HHAT: variants seen among roughly 807,000 people sequenced by gnomAD.
HHAT encodes the protein protein-cysteine N-palmitoyltransferase HHAT.
In HHAT, 47 loss-of-function variants were observed where a neutral mutation model predicts 70.8. The ratio of observed to expected loss-of-function variants is 0.66; its 90% CI spans 0.53 to 0.85. The LOEUF (loss-of-function observed/expected upper bound fraction) is 0.85. HHAT is among the 40% of genes least tolerant of loss of function. HHAT has a pLI of 0.00. For missense variants in HHAT, 609 were observed against 604.8 expected (o/e 1.01, Z -0.07); for synonymous variants, 228 against 247.6 (o/e 0.92, Z 0.74).
At chr1:210,661,807 A>G (rs1226245185) in intron 11 of HHAT, among the ~76,000 whole-genome samples, 1 of 152,098 alleles carries the variant, frequency 6.6e-6, no homozygotes, top group Non-Finnish European at 1.5e-5. Flanking sequence ...CGTAAACACC[A>G]CATGTTCTCA....
At chr1:210,362,176 G>A (rs2088397863) in intron 2 of HHAT, among the ~76,000 whole-genome samples, 1 of 151,504 alleles carries the variant, frequency 6.6e-6, no homozygotes, top group Non-Finnish European at 1.5e-5. Flanking sequence ...TATTTTGTTA[G>A]CATTATATCA....
chr1:210,462,742 C>T (rs923263034), intron 7 of HHAT: 56 of 154,564 alleles, frequency 3.6e-4, no homozygotes, highest in Non-Finnish European at 4.6e-4. Flanking sequence ...CATCTGCCAT[C>T]ACCCAAACTG....
intron 5 of HHAT, among the ~76,000 whole-genome samples, chr1:210,401,960 C>T (rs1032225395): frequency 3.3e-5 from 5 of 152,180 alleles, no homozygotes; most frequent in African/African-American, 1.2e-4. Flanking sequence ...GCAATTGAAG[C>T]TTAGGCCCCT....
intron 9 of HHAT, among the ~76,000 whole-genome samples, chr1:210,581,273 T>C (rs957069826): frequency 1.3e-5 from 2 of 152,258 alleles, no homozygotes; most frequent in African/African-American, 2.4e-5. Context: ...TAAGTAGATA[T>C]GTAGCTTCCT....
chr1:210,474,191 T>G (rs1479082423), intron 8 of HHAT, among the ~76,000 whole-genome samples: 1 of 152,178 alleles, frequency 6.6e-6, no homozygotes, highest in African/African-American at 2.4e-5. Flanking sequence ...CCTCCTAGCA[T>G]GGGGGCTGGC....
intron 11 of HHAT, among the ~76,000 whole-genome samples, chr1:210,640,365 A>T (rs1390995273): frequency 6.6e-6 from 1 of 152,156 alleles, no homozygotes; most frequent in Non-Finnish European, 1.5e-5. Flanking sequence ...TGGAGACAAG[A>T]GGGAGTGGCC....
At chr1:210,574,642 TG>T (rs1657204363) in intron 9 of HHAT, among the ~76,000 whole-genome samples, 1 of 152,256 alleles carries the variant, frequency 6.6e-6, no homozygotes, top group South Asian at 2.1e-4. Context: ...TGTGCAGTAC[TG>T]GGTTGCTTTG....
At chr1:210,533,789 T>C (rs976036396) in intron 9 of HHAT, among the ~76,000 whole-genome samples, 7 of 152,204 alleles carry the variant, frequency 4.6e-5, no homozygotes, top group African/African-American at 7.2e-5. Context: ...ATGATTTTGA[T>C]CTTCCTGGCT....
chr1:210,416,514 C>T (rs1471044277), intron 6 of HHAT, among the ~76,000 whole-genome samples: 1 of 152,174 alleles, frequency 6.6e-6, no homozygotes, highest in African/African-American at 2.4e-5. Context: ...AAATTGAATT[C>T]ACTTCAAATT....
rs117881288 is a variant in HHAT, at chr1:210,572,844, C to T, written c.1044-15054C>T. 6.9e-4 allele frequency among the ~76,000 whole-genome samples: 105 copies of T among 152,276 alleles called. 1 individual carries two copies. The East Asian group carries it at 0.018, about 27-fold the overall frequency. The stretch of plus-strand genomic sequence containing the variant: ...CCAAGAGTTTGAGGCTGTAGTGAGC[C>T]ATGATTGCACCAGTACATTCCAGCT... On this transcript the variant is annotated intron_variant, in intron 9 of 11. Transcript: ENST00000261458.
chr1:210,601,701 G>T (rs1664297800), intron 10 of HHAT, among the ~76,000 whole-genome samples: 1 of 152,034 alleles, frequency 6.6e-6, no homozygotes, highest in Admixed American at 6.6e-5. Flanking sequence ...TCCTATCAGA[G>T]TACTCATATT....
Position 210,674,671 on chromosome 1 carries a change from C to A in HHAT, c.*292C>A. 1 of 336,526 alleles carries A rather than the reference C, an allele frequency of 3.0e-6. No individual in the cohort carries two copies. Among genetic ancestry groups the A allele is most frequent in the Non-Finnish European group, 5.4e-6 (1 of 185,408 alleles). 20.8% of individuals were successfully genotyped at this position (336,526 alleles called of 1,614,324 possible). ...CACAGGGTGACATTTTGGTCTAGAA[C>A]CTAGTCTCATGAGCCCTTTGCATTC... On this transcript the variant is annotated 3_prime_UTR_variant, in exon 12 of 12. Transcript: ENST00000261458.
At chr1:210,377,044 A>G (rs1035580950) in intron 3 of HHAT, among the ~76,000 whole-genome samples, 12 of 152,224 alleles carry the variant, frequency 7.9e-5, no homozygotes, top group Admixed American at 7.9e-4. Context: ...GCATATGTGA[A>G]GACTTCCTAA....
intron 9 of HHAT, among the ~76,000 whole-genome samples, chr1:210,534,830 G>C (rs529324996): frequency 4.6e-5 from 7 of 152,264 alleles, no homozygotes; most frequent in Admixed American, 2.6e-4. Flanking sequence ...CCCAGAGAAA[G>C]GTCAAATATA....
chr1:210,638,417 A>G (rs1672327566), intron 11 of HHAT, among the ~76,000 whole-genome samples: 2 of 152,260 alleles, frequency 1.3e-5, no homozygotes, highest in Non-Finnish European at 2.9e-5. Context: ...GAAAGAAGCC[A>G]GTCACAAAGG....
At chr1:210,413,749 C>T (rs2092634984) in intron 6 of HHAT, among the ~76,000 whole-genome samples, 1 of 152,198 alleles carries the variant, frequency 6.6e-6, no homozygotes, top group Non-Finnish European at 1.5e-5. Flanking sequence ...CTTTACCATG[C>T]ACATTTCCAC....
intron 5 of HHAT, among the ~76,000 whole-genome samples, chr1:210,404,215 A>G (rs2092224728): frequency 6.6e-6 from 1 of 152,216 alleles, no homozygotes; most frequent in South Asian, 2.1e-4. Context: ...TGCTAGGTTA[A>G]CATTAGAGAT....
chr1:210,638,392 G>A (rs1427323107), intron 11 of HHAT, among the ~76,000 whole-genome samples: 2 of 152,128 alleles, frequency 1.3e-5, no homozygotes, highest in Non-Finnish European at 2.9e-5. Flanking sequence ...GATGAACCTT[G>A]GAAACACGGT....
At position 210,529,255 on chromosome 1, in the gene HHAT, A is replaced by C. The variant is rs2095286220; in HGVS notation, c.1043+16067A>C. 2.6e-5 allele frequency among the ~76,000 whole-genome samples: 4 copies of C among 151,492 alleles called. No homozygotes were observed. The South Asian group carries it at 8.4e-4, about 32-fold the overall frequency. On this transcript the variant is annotated intron_variant, in intron 9 of 11. Coordinates refer to ENST00000261458, the MANE Select transcript of HHAT (RefSeq NM_018194.6). ...AGGAGGTAGAGGTTGCAGTGAGCAG[A>C]GATTCTGCCACTGCACTCCAGCCTG...
Sources: gnomAD v4.1 joint callset for allele counts (sites outside exome capture counted in the v4.1 genomes callset) on GRCh38, gnomAD v4.1.1 for gene constraint, MANE v1.5 for transcripts, NCBI Gene and HGNC (gene_info 2026-07-23, HGNC 2026-07-21) for gene names.